UACA: variants seen among roughly 807,000 people sequenced by gnomAD.
UACA encodes the protein nuclear membrane binding protein.
A neutral mutation model predicts 160.5 loss-of-function variants in UACA; 112 were observed. The observed-to-expected ratio is 0.70, with a 90% confidence interval of 0.60 to 0.82. The LOEUF (loss-of-function observed/expected upper bound fraction) is 0.82, where lower values mean the gene tolerates loss of function less well. Among genes scored for constraint, UACA ranks in the 40% least tolerant of loss-of-function variants. UACA has a pLI of 0.00. For missense variants in UACA, 1,574 were observed against 1,614.6 expected (o/e 0.97, Z 0.43); for synonymous variants, 557 against 568.4 (o/e 0.98, Z 0.29).
At chr15:70,658,866 CT>C (rs1371355395) in intron 18 of UACA, among the ~76,000 whole-genome samples, 13 of 152,180 alleles carry the variant, frequency 8.5e-5, no homozygotes, top group African/African-American at 2.9e-4. Flanking sequence ...TCTTAGTTAA[CT>C]TTATGATGCC....
At chr15:70,724,447 C>T (rs920914198) in intron 1 of UACA, among the ~76,000 whole-genome samples, 3 of 152,064 alleles carry the variant, frequency 2.0e-5, no homozygotes, top group African/African-American at 7.2e-5. Context: ...GTCCTTTAAA[C>T]ATCTCAGTTT....
chr15:70,746,029 C>A (rs1373575880), intron 1 of UACA, among the ~76,000 whole-genome samples: 1 of 152,096 alleles, frequency 6.6e-6, no homozygotes, highest in Non-Finnish European at 1.5e-5. Context: ...ACCATAAAAA[C>A]CCTAGAAGAG....
chr15:70,748,723 G>A (rs977790200), intron 1 of UACA, among the ~76,000 whole-genome samples: 5 of 151,954 alleles, frequency 3.3e-5, no homozygotes, highest in African/African-American at 1.2e-4. Flanking sequence ...GGAACACTAG[G>A]CTCCGATTTC....
At chr15:70,680,301 G>A (rs1472598238) in intron 9 of UACA, among the ~76,000 whole-genome samples, 1 of 151,908 alleles carries the variant, frequency 6.6e-6, no homozygotes, top group Non-Finnish European at 1.5e-5. Flanking sequence ...TATTAAACAA[G>A]AGAATAACCC....
chr15:70,669,988 C>T (rs926718963), intron 15 of UACA, among the ~76,000 whole-genome samples: 6 of 152,154 alleles, frequency 3.9e-5, no homozygotes, highest in Admixed American at 1.3e-4. Context: ...GTTAATCCAA[C>T]AGAATATTCT....
chr15:70,700,318 TACAC>T (rs34361847), intron 1 of UACA, among the ~76,000 whole-genome samples: 23 of 139,784 alleles, frequency 1.6e-4, no homozygotes, highest in African/African-American at 3.8e-4. Context: ...TATATATATA[TACAC>T]ACACACACAC....
chr15:70,722,514 T>C (rs1899024151), intron 1 of UACA, among the ~76,000 whole-genome samples: 1 of 152,128 alleles, frequency 6.6e-6, no homozygotes, highest in Admixed American at 6.6e-5. Context: ...GAAGAGGTCT[T>C]GCTATGTGGC....
the UACA span, among the ~76,000 whole-genome samples, chr15:70,773,151 G>A: frequency 1.3e-5 from 2 of 152,072 alleles, no homozygotes; most frequent in Non-Finnish European, 2.9e-5. Context: ...ACTAGACAAT[G>A]TGACACAGCA....
At chr15:70,728,362 G>A (rs1454330368) in intron 1 of UACA, among the ~76,000 whole-genome samples, 2 of 152,152 alleles carry the variant, frequency 1.3e-5, no homozygotes, top group Admixed American at 6.5e-5. Context: ...TCGAGAGTTC[G>A]AGACCAGCCT....
At chr15:70,747,227 T>G (rs1414145138) in intron 1 of UACA, among the ~76,000 whole-genome samples, 2 of 150,688 alleles carry the variant, frequency 1.3e-5, no homozygotes, top group Non-Finnish European at 3.0e-5. Context: ...AAACGAATGG[T>G]GTTTGTTTTT....
intron 1 of UACA, among the ~76,000 whole-genome samples, chr15:70,727,326 T>G (rs535456614): frequency 6.6e-6 from 1 of 152,186 alleles, no homozygotes; most frequent in Non-Finnish European, 1.5e-5. Flanking sequence ...CACAAAAATA[T>G]TATTTAATAA....
chr15:70,668,516 T>G lies in UACA; in HGVS notation c.2168A>C (p.Tyr723Ser). ...CTCCTTGAGGAGCTTATTATCCAAA[T>G]AAACTTTTTCAATTTCCTTTTGTAG... ...QTLQKEIEKV[Y>S]LDNKLLKEQA... Residue 723 changes from tyrosine (Y) to serine (S), a missense_variant, in exon 16 of 19, where the codon TAT becomes TCT. Coordinates refer to ENST00000322954, the MANE Select transcript of UACA (RefSeq NM_018003.4). 6.8e-6 allele frequency: 11 copies of G among 1,610,278 alleles called. No homozygotes were observed. The highest frequency in any genetic ancestry group is 9.3e-6 in the Non-Finnish European group (11 of 1,179,336).
intron 1 of UACA, among the ~76,000 whole-genome samples, chr15:70,725,911 C>G (rs1251814398): frequency 6.6e-6 from 1 of 152,006 alleles, no homozygotes; most frequent in Non-Finnish European, 1.5e-5. Context: ...GTGATGGATG[C>G]CCTAAATATC....
chr15:70,767,324 C>T (rs1430862856), upstream of UACA, among the ~76,000 whole-genome samples: 3 of 151,160 alleles, frequency 2.0e-5, no homozygotes, highest in Admixed American at 1.3e-4. Context: ...CATGGTGGCT[C>T]ACAACTGTAA....
At chr15:70,702,074 C>A in intron 1 of UACA, 1 of 1,370,092 alleles carries the variant, frequency 7.3e-7, no homozygotes, top group Non-Finnish European at 9.4e-7. Flanking sequence ...ACGATATTTT[C>A]TTCGTCTTCA....
intron 2 of UACA, among the ~76,000 whole-genome samples, chr15:70,695,722 T>C (rs1164838372): frequency 6.6e-6 from 1 of 152,162 alleles, no homozygotes; most frequent in Non-Finnish European, 1.5e-5. Flanking sequence ...TGGCTGAAGT[T>C]TCACATGAAC....
At chr15:70,743,832 G>C (rs1199083453) in intron 1 of UACA, among the ~76,000 whole-genome samples, 1 of 152,116 alleles carries the variant, frequency 6.6e-6, no homozygotes, top group Non-Finnish European at 1.5e-5. Context: ...CTCTGAACCA[G>C]TGGCAATTTC....
chr15:70,714,381 C>A (rs1435932208), intron 1 of UACA, among the ~76,000 whole-genome samples: 1 of 152,212 alleles, frequency 6.6e-6, no homozygotes, highest in East Asian at 1.9e-4. Context: ...TCCCTGACCC[C>A]TGACTCTCTT....
chr15:70,691,193 G>A (rs949972407), intron 4 of UACA, 106 bp downstream of exon 4: 1 of 733,654 alleles, frequency 1.4e-6, no homozygotes, highest in Non-Finnish European at 2.2e-6. Context: ...CATAGTCAAA[G>A]TTAGTTTACT....
Sources: gnomAD v4.1 joint callset for allele counts (sites outside exome capture counted in the v4.1 genomes callset) on GRCh38, gnomAD v4.1.1 for gene constraint, MANE v1.5 for transcripts, NCBI Gene and HGNC (gene_info 2026-07-23, HGNC 2026-07-21) for gene names.